The following TJP2 variants were observed in gnomAD, a reference collection of about 807,000 sequenced individuals.
TJP2 encodes tight junction protein 2.
Under a neutral mutation model 133.1 loss-of-function variants are expected in TJP2, and 91 were observed. That is an observed-to-expected ratio of 0.68 (90% CI 0.58 to 0.81). The LOEUF is 0.81. Among genes scored for constraint, TJP2 ranks in the 40% least tolerant of loss-of-function variants. The pLI, the probability that TJP2 is intolerant of heterozygous loss-of-function variation, is 0.00. For missense variants in TJP2, 1,541 were observed against 1,565.6 expected (o/e 0.98, Z 0.26); for synonymous variants, 592 against 583.4 (o/e 1.01, Z -0.21).
chr9:69,141,859 G>C (rs898054867), intron 1 of TJP2, among the ~76,000 whole-genome samples: 1 of 152,212 alleles, frequency 6.6e-6, no homozygotes, highest in African/African-American at 2.4e-5. Context: ...ACAGTGCTGG[G>C]ATTACAGGCG....
chr9:69,179,179 T>A (rs928662475), intron 1 of TJP2, among the ~76,000 whole-genome samples: 1 of 152,234 alleles, frequency 6.6e-6, no homozygotes, highest in Non-Finnish European at 1.5e-5. Flanking sequence ...TTCACACCAT[T>A]TATGAGAAAT....
At chr9:69,249,762 A>G in intron 20 of TJP2, 1 of 984,544 alleles carries the variant, frequency 1.0e-6, no homozygotes, top group Non-Finnish European at 1.2e-6. Context: ...GATTGTAAAG[A>G]AAAAGATTGA....
intron 1 of TJP2, among the ~76,000 whole-genome samples, chr9:69,209,534 A>G (rs1370432491): frequency 2.0e-5 from 3 of 151,624 alleles, no homozygotes; most frequent in South Asian, 4.2e-4. Context: ...TGGGCGGATC[A>G]TCTAAGGTTG....
At chr9:69,230,799 C>T (rs1829716330) in intron 11 of TJP2, among the ~76,000 whole-genome samples, 1 of 152,210 alleles carries the variant, frequency 6.6e-6, no homozygotes, top group Non-Finnish European at 1.5e-5. Flanking sequence ...AGGCACCTAG[C>T]AGAGTTCCCT....
At chr9:69,215,653 TG>T (rs35954033) in intron 2 of TJP2, among the ~76,000 whole-genome samples, 1 of 151,888 alleles carries the variant, frequency 6.6e-6, no homozygotes, top group Non-Finnish European at 1.5e-5. Flanking sequence ...CCCAAAGTGC[TG>T]GGATTATAGA....
At chr9:69,135,607 A>ATT (rs11398228) in intron 1 of TJP2, among the ~76,000 whole-genome samples, 118 of 146,092 alleles carry the variant, frequency 8.1e-4, no homozygotes, top group Non-Finnish European at 1.2e-3. Context: ...CACCTAGCTG[A>ATT]TTTTTTTTTT....
rs116545275 is a variant in TJP2, at chr9:69,237,094, A to G, written c.2137A>G (p.Ser713Gly). 1,989 of 1,614,174 alleles carry G rather than the reference A, an allele frequency of 1.2e-3. 26 individuals are homozygous for G. The African/African-American group carries it at 0.024, about 20-fold the overall frequency. ...REDLTAVVSVSTKFPAYERVL... is the reference protein window; with the variant it reads ...REDLTAVVSVGTKFPAYERVL... ...AGACCTCACAGCTGTTGTGTCTGTC[A>G]GCACCAAGTTCCCAGCTTATGAGAG... Residue 713 changes from serine (S) to glycine (G), a missense_variant, in exon 14 of 23, where the codon AGC (serine) becomes GGC (glycine). Coordinates refer to ENST00000377245, the MANE Select transcript of TJP2 (RefSeq NM_004817.4).
Position 69,251,190 on chromosome 9 carries a change from A to G in TJP2, c.3147A>G (p.Ile1049Met). ...CAAAACCTACCTTTGGGCGGTCTAT[A>G]CTGAAGCCCTCCACTCCCATCCCTC... ...VAAKPTFGRS[I>M]LKPSTPIPPQ... The change falls in exon 21 of 23, where the codon ATA (isoleucine) becomes ATG (methionine). Residue 1049 changes from isoleucine (I) to methionine (M), a missense_variant. Coordinates refer to ENST00000377245, the MANE Select transcript of TJP2 (RefSeq NM_004817.4). The G allele has an allele frequency of 6.2e-7, 1 of 1,614,086 alleles. No individual in the cohort carries two copies. Among genetic ancestry groups the G allele is most frequent in the Non-Finnish European group, 8.5e-7 (1 of 1,180,008 alleles).
chr9:69,126,167 A>C (rs562692651), intron 1 of TJP2, among the ~76,000 whole-genome samples: 1 of 77,184 alleles, frequency 1.3e-5, no homozygotes, highest in African/African-American at 3.9e-5. Context: ...ATTCATGACA[A>C]GCTATGTACA....
chr9:69,250,810 T>G (rs575455234), intron 20 of TJP2, among the ~76,000 whole-genome samples: 2 of 152,284 alleles, frequency 1.3e-5, no homozygotes, highest in South Asian at 4.1e-4. Context: ...TCCCTATTCC[T>G]TTTTGGCTTC....
In TJP2 at chr9:69,148,994, TAA is replaced by T. The variant is rs565919508; in HGVS notation, c.-130-2655_-130-2654del. ...CTATGAATCTTCCTTTTGAAATCTG[TAA>T]AGTTTTTCAGCTTTAACTCATGTTA... is the stretch of plus-strand genomic sequence containing the variant. On this transcript the variant is annotated intron_variant, in intron 1 of 5. Transcript: ENST00000423935. 6.2e-3 allele frequency among the ~76,000 whole-genome samples: 950 copies of T among 152,340 alleles called. 37 individuals are homozygous for T. Among genetic ancestry groups the T allele is most frequent in the Admixed American group, 0.056 (851 of 15,304 alleles).
chr9:69,233,511 G>T (rs890472937), intron 11 of TJP2, among the ~76,000 whole-genome samples: 2 of 152,170 alleles, frequency 1.3e-5, no homozygotes, highest in Admixed American at 1.3e-4. Flanking sequence ...GGTGGCTCAC[G>T]CATGTAATCC....
At chr9:69,149,111 C>T (rs746860743) in intron 1 of TJP2, among the ~76,000 whole-genome samples, 1 of 151,714 alleles carries the variant, frequency 6.6e-6, no homozygotes, top group Non-Finnish European at 1.5e-5. Context: ...ATTTAGAGGC[C>T]CTATTCAATA....
intron 1 of TJP2, among the ~76,000 whole-genome samples, chr9:69,137,992 T>C (rs1000470602): frequency 1.3e-5 from 2 of 152,180 alleles, no homozygotes; most frequent in Non-Finnish European, 2.9e-5. Context: ...TTGATTTTTC[T>C]CTCCCACTTG....
At chr9:69,199,440 G>GGACC (rs1826830901) in intron 1 of TJP2, among the ~76,000 whole-genome samples, 1 of 152,164 alleles carries the variant, frequency 6.6e-6, no homozygotes, top group Non-Finnish European at 1.5e-5. Flanking sequence ...TGAGGCAGGA[G>GGACC]GACCGCTTGA....
intron 1 of TJP2, among the ~76,000 whole-genome samples, chr9:69,149,748 G>C (rs1472445469): frequency 6.6e-6 from 1 of 152,176 alleles, no homozygotes; most frequent in Non-Finnish European, 1.5e-5. Flanking sequence ...GCACATGCAG[G>C]CTTCATAAGA....
chr9:69,229,072 G>A lies in TJP2; in HGVS notation c.1454-112G>A, dbSNP rs1033687473. 6 of 953,466 alleles carry A rather than the reference G, an allele frequency of 6.3e-6. No individual in the cohort carries two copies. The Admixed American group carries it at 7.0e-5, about 11-fold the overall frequency. 59.1% of individuals were successfully genotyped at this position (953,466 alleles called of 1,614,324 possible). ...ACTTTAGAGACTTCTTTTTGTTTGT[G>A]GTGACATATGTGGCATAGACTTACA... On this transcript the variant is annotated intron_variant, in intron 9 of 22. Transcript: ENST00000377245.
rs1409178751 is a variant in TJP2 at position 69,204,905 on chromosome 9, AAGGGAGAGAG to A, written c.61-7633_61-7624del. ...TACTCGGATGCTCTAGTTCCCTGGC[AAGGGAGAGAG>A]AGGGAGAGAAAGAAAGCTGTTGAAG... On this transcript the variant is annotated intron_variant, in intron 1 of 22. Coordinates refer to ENST00000377245, the MANE Select transcript of TJP2 (RefSeq NM_004817.4). 20 of 1,248,594 alleles carry A rather than the reference AAGGGAGAGAG, an allele frequency of 1.6e-5. No individual in the cohort carries two copies. In the African/African-American group the frequency reaches 2.9e-4, roughly 18 times the overall value. The allele number at this position is 1,248,594 out of a possible 1,614,324, so 77.3% of individuals were successfully genotyped here. A position where few individuals can be genotyped will look rare whatever the true frequency, so the allele number is the denominator to read the frequency against.
intron 1 of TJP2, among the ~76,000 whole-genome samples, chr9:69,209,784 T>C (rs1827727364): frequency 6.6e-6 from 1 of 151,472 alleles, no homozygotes; most frequent in Non-Finnish European, 1.5e-5. Flanking sequence ...TTTTAACAAA[T>C]ATGTACAACT....
Sources: allele counts gnomAD v4.1 joint callset (sites outside exome capture counted in the v4.1 genomes callset), GRCh38; gene constraint gnomAD v4.1.1; transcripts MANE v1.5; gene names NCBI Gene and HGNC (gene_info 2026-07-23, HGNC 2026-07-21).